RNF144A: variants seen among roughly 807,000 people sequenced by gnomAD.
The protein encoded by RNF144A is ring finger protein 144A, also known as E3 ubiquitin-protein ligase RNF144A.
A neutral mutation model predicts 38.7 loss-of-function variants in RNF144A; 11 were observed. The observed-to-expected ratio is 0.28, with a 90% CI of 0.18 to 0.47. The LOEUF is 0.47. RNF144A is among the 20% of genes least tolerant of loss of function. The pLI is 0.99. For missense variants in RNF144A, 316 were observed against 377.2 expected (o/e 0.84, Z 1.34); for synonymous variants, 149 against 143.9 (o/e 1.04, Z -0.25).
intron 2 of RNF144A, among the ~76,000 whole-genome samples, chr2:6,965,989 T>C (rs573939252): frequency 1.1e-3 from 169 of 152,308 alleles, no homozygotes; most frequent in Non-Finnish European, 2.1e-3. Context: ...AATACCAGAA[T>C]TGCACATTCA....
Position 7,041,647 on chromosome 2 carries a change from A to G in RNF144A, c.*1887A>G, listed in dbSNP as rs568226064. ...TGGGCTTGAGCCCTCAGCCTGTGAT[A>G]TGTGGATGCAGCTGTCCAGCCACTG... On this transcript the variant is annotated 3_prime_UTR_variant, in exon 9 of 9. Coordinates refer to ENST00000320892, the MANE Select transcript of RNF144A (RefSeq NM_014746.6). The G allele has an allele frequency of 5.8e-4, 567 of 985,582 alleles. 2 individuals carry two copies. The highest frequency in any genetic ancestry group is 5.2e-3 in the Middle Eastern group (10 of 1,914). The allele number at this position is 985,582 out of a possible 1,614,324, so 61.1% of individuals were successfully genotyped here.
chr2:6,996,727 T>C (rs1024583137), intron 2 of RNF144A, 189 bp from the exon 3 acceptor site: 23 of 581,552 alleles, frequency 4.0e-5, no homozygotes, highest in African/African-American at 3.9e-4. Flanking sequence ...TACTCCAACC[T>C]GGACGACAGA....
At chr2:6,968,734 G>A (rs573999635) in intron 2 of RNF144A, among the ~76,000 whole-genome samples, 2 of 151,678 alleles carry the variant, frequency 1.3e-5, no homozygotes, top group African/African-American at 4.8e-5. Flanking sequence ...CTTGAAAAAC[G>A]CATCAACTCT....
At chr2:6,936,655 A>G (rs1252406960) in intron 1 of RNF144A, among the ~76,000 whole-genome samples, 2 of 152,240 alleles carry the variant, frequency 1.3e-5, no homozygotes, top group South Asian at 2.1e-4. Flanking sequence ...ATGTTTTTGC[A>G]TCAGGTTGAC....
At chr2:6,986,468 G>A (rs1020263025) in intron 2 of RNF144A, among the ~76,000 whole-genome samples, 4 of 152,126 alleles carry the variant, frequency 2.6e-5, no homozygotes, top group African/African-American at 9.7e-5. Flanking sequence ...CTGGCCAGAG[G>A]CCTGTTCCTA....
At chr2:7,028,470 G>A (rs1230754663) in intron 7 of RNF144A, among the ~76,000 whole-genome samples, 1 of 152,158 alleles carries the variant, frequency 6.6e-6, no homozygotes, top group African/African-American at 2.4e-5. Context: ...TGTCCAGGTG[G>A]CTCGGATGTG....
chr2:7,048,222 A>G (rs1466079398), downstream of RNF144A, among the ~76,000 whole-genome samples: 3 of 152,124 alleles, frequency 2.0e-5, no homozygotes, highest in African/African-American at 7.2e-5. Flanking sequence ...TACAGGCAAA[A>G]CATGGCTCAT....
intron 2 of RNF144A, among the ~76,000 whole-genome samples, chr2:6,967,569 T>C (rs945956166): frequency 1.3e-5 from 2 of 152,216 alleles, no homozygotes; most frequent in African/African-American, 2.4e-5. Context: ...TGCTGCTCCC[T>C]ACTTCTGGGT....
intron 2 of RNF144A, 188 bp from the exon 3 acceptor site, chr2:6,996,728 G>C (rs1572364432): frequency 3.4e-6 from 2 of 583,116 alleles, no homozygotes. Flanking sequence ...ACTCCAACCT[G>C]GACGACAGAG....
chr2:7,018,430 C>T (rs751301157), intron 5 of RNF144A, among the ~76,000 whole-genome samples: 14 of 152,120 alleles, frequency 9.2e-5, no homozygotes, highest in Non-Finnish European at 1.9e-4. Context: ...GGAGGCATCG[C>T]GGGGACGGGA....
chr2:6,918,672 G>A (rs1400666793), intron 1 of RNF144A: 1 of 144,610 alleles, frequency 6.9e-6, no homozygotes, highest in Non-Finnish European at 1.5e-5. Flanking sequence ...GCTGAGGCAG[G>A]AGAATGGCGT....
chr2:6,923,093 C>G (rs994339324), intron 1 of RNF144A, among the ~76,000 whole-genome samples: 6 of 152,156 alleles, frequency 3.9e-5, no homozygotes, highest in Admixed American at 6.5e-5. Flanking sequence ...ACCACCTGCT[C>G]GACCCCTGCT....
intron 3 of RNF144A, among the ~76,000 whole-genome samples, chr2:7,009,133 A>T (rs573117017): frequency 1.3e-5 from 2 of 152,178 alleles, no homozygotes; most frequent in East Asian, 3.9e-4. Flanking sequence ...ACCCATACAC[A>T]GCATGCGGGC....
rs577406667 is a variant in RNF144A at position 6,958,019 on chromosome 2, G to A, written c.-12+16872G>A. 2.0e-5 allele frequency among the ~76,000 whole-genome samples: 3 copies of A among 152,350 alleles called. No homozygotes were observed. In the South Asian group the frequency reaches 6.2e-4, roughly 32 times the overall value. ...CAGTTAGGCAACGACAGAATGGGGTGGGGGAGTCGGGATGGAGCTCCAGGG... is the reference window on the plus strand; with the variant it reads ...CAGTTAGGCAACGACAGAATGGGGTAGGGGAGTCGGGATGGAGCTCCAGGG... On this transcript the variant is annotated intron_variant, in intron 2 of 8. Coordinates refer to ENST00000320892, the MANE Select transcript of RNF144A (RefSeq NM_014746.6). This position sits in a 1 kb window ranked among gnomAD's most constrained non-coding sequence, Gnocchi z 4.5.
downstream of RNF144A, among the ~76,000 whole-genome samples, chr2:7,070,368 G>A (rs1213360247): frequency 6.6e-6 from 1 of 151,972 alleles, no homozygotes; most frequent in African/African-American, 2.4e-5. Context: ...AAGGGGTTTT[G>A]CCATGTTGCC....
At position 7,039,934 on chromosome 2, in the gene RNF144A, G is replaced by A. The variant is rs1672945825; in HGVS notation, c.*174G>A. On this transcript the variant is annotated 3_prime_UTR_variant, in exon 9 of 9. Transcript: ENST00000320892. Reference sequence around the variant, plus strand: ...GGACCTATGTCACAATGTTCGCTGAGGCCCCAGGTGTGGTGGGGAGGGGAG... The same window carrying A: ...GGACCTATGTCACAATGTTCGCTGAAGCCCCAGGTGTGGTGGGGAGGGGAG... 2 of 1,419,594 alleles carry A rather than the reference G, an allele frequency of 1.4e-6. No individual in the cohort carries two copies. Among genetic ancestry groups the A allele is most frequent in the Non-Finnish European group, 1.8e-6 (2 of 1,088,568 alleles). 87.9% of individuals were successfully genotyped at this position (1,419,594 alleles called of 1,614,324 possible). A position where few individuals can be genotyped will look rare whatever the true frequency, so the allele number is the denominator to read the frequency against.
intron 3 of RNF144A, among the ~76,000 whole-genome samples, chr2:6,998,197 T>C (rs1209031584): frequency 6.6e-6 from 1 of 151,638 alleles, no homozygotes; most frequent in Non-Finnish European, 1.5e-5. Flanking sequence ...GTCTTCTGAA[T>C]TTAACTGCTG....
In RNF144A at chr2:7,042,913, G is replaced by A; in HGVS notation, c.*3153G>A. On this transcript the variant is annotated 3_prime_UTR_variant, in exon 9 of 9. Transcript: ENST00000320892. ...ACGGAGTTTCGCTTTTGTCCCCCAA[G>A]CTGGAGTACAATGACAGGATCTCGG... 1 of 930,554 alleles carries A rather than the reference G, an allele frequency of 1.1e-6. No individual in the cohort carries two copies. The highest frequency in any genetic ancestry group is 1.3e-6 in the Non-Finnish European group (1 of 780,272). The allele number at this position is 930,554 out of a possible 1,614,324, so 57.6% of individuals were successfully genotyped here.
At chr2:7,058,897 G>C (rs1276223228) in intron 6 of RNF144A, among the ~76,000 whole-genome samples, 1 of 151,990 alleles carries the variant, frequency 6.6e-6, no homozygotes, top group Non-Finnish European at 1.5e-5. Context: ...GCTGTGATAT[G>C]CTCCCCTTCT....
Sources: gnomAD v4.1 joint callset for allele counts (sites outside exome capture counted in the v4.1 genomes callset) on GRCh38, gnomAD v4.1.1 for gene constraint, Gnocchi (gnomAD v3.1) non-coding constraint, MANE v1.5 for transcripts, NCBI Gene and HGNC (gene_info 2026-07-23, HGNC 2026-07-21) for gene names.